Variants in CLN6 observed in about 807,000 individuals in gnomAD.
CLN6 encodes the protein ceroid-lipofuscinosis neuronal protein 6.
A neutral mutation model predicts 33.3 loss-of-function variants in CLN6; 22 were observed. The observed-to-expected ratio is 0.66, with a 90% CI of 0.47 to 0.94. The LOEUF is 0.94. Among genes scored for constraint, CLN6 ranks in the 40% least tolerant of loss-of-function variants. The pLI, the probability that CLN6 is intolerant of heterozygous loss-of-function variation, is 0.00. For synonymous variants in CLN6, 201 were observed against 174.6 expected (o/e 1.15, Z -1.19); for missense variants, 387 against 417.1 (o/e 0.93, Z 0.63).
At position 68,256,962 on chromosome 15, in the gene CLN6, A is replaced by C; in HGVS notation, c.-94T>G. 1 of 587,758 alleles carries C rather than the reference A, an allele frequency of 1.7e-6. No homozygotes were observed. Among genetic ancestry groups the C allele is most frequent in the Non-Finnish European group, 3.0e-6 (1 of 328,010 alleles). The allele number at this position is 587,758 out of a possible 1,614,324, so 36.4% of individuals were successfully genotyped here. A position where few individuals can be genotyped will look rare whatever the true frequency, so the allele number is the denominator to read the frequency against. ...GGGCAGGGTGTAGTGATGGTCACGC[A>C]TCCCTTCCCTGGGCTTCTCCGGCAC... On this transcript the variant is annotated 5_prime_UTR_variant, in exon 1 of 7. Transcript: ENST00000538696. The surrounding 1 kb of genome is among the most constrained non-coding windows in gnomAD (Gnocchi z 4.1).
chr15:68,254,925 C>G (rs1228854847), intron 1 of CLN6: 2 of 1,079,872 alleles, frequency 1.9e-6, no homozygotes, highest in African/African-American at 3.1e-5. Context: ...TTTTTGATAA[C>G]TGTGTACTTC....
At chr15:68,248,028 C>CAAA (rs34262273) in intron 1 of CLN6, among the ~76,000 whole-genome samples, 5 of 118,170 alleles carry the variant, frequency 4.2e-5, no homozygotes, top group Non-Finnish European at 6.9e-5. Context: ...AACTCAGTCT[C>CAAA]AAAAAAAAAA....
At chr15:68,235,728 C>T (rs1236828554) in intron 1 of CLN6, among the ~76,000 whole-genome samples, 1 of 151,924 alleles carries the variant, frequency 6.6e-6, no homozygotes, top group Non-Finnish European at 1.5e-5. Context: ...TTTGTCAACA[C>T]CCTGGCACCC....
At chr15:68,214,740 C>A (rs3784352) in intron 2 of CLN6, 1 of 343,090 alleles carries the variant, frequency 2.9e-6, no homozygotes, top group African/African-American at 2.1e-5. Context: ...CGTTGTGGCA[C>A]CAACTTGCTG....
At chr15:68,254,582 T>C (rs1221125454) in intron 1 of CLN6, 5 of 566,412 alleles carry the variant, frequency 8.8e-6, no homozygotes, top group Non-Finnish European at 1.3e-5. Flanking sequence ...CCAGGACAGA[T>C]CAAAGCCACG....
rs1424748561 is a variant in CLN6, at chr15:68,247,720, C to A, written c.179+8970G>T. Among the ~76,000 whole-genome samples the A allele has an allele frequency of 6.6e-6, 1 of 152,064 alleles. No individual in the cohort carries two copies. Among genetic ancestry groups the A allele is most frequent in the East Asian group, 1.9e-4 (1 of 5,194 alleles). Reference sequence around the variant, plus strand: ...CACAAAAGACCCAGAATAGTGAAAGCAATCCTAAGCAAAACGAACAAACCT... The same window carrying A: ...CACAAAAGACCCAGAATAGTGAAAGAAATCCTAAGCAAAACGAACAAACCT... On this transcript the variant is annotated intron_variant, in intron 1 of 6. Coordinates refer to the CLN6 transcript ENST00000538696. This position sits in a 1 kb window ranked among gnomAD's most constrained non-coding sequence, Gnocchi z 4.2.
intron 1 of CLN6, among the ~76,000 whole-genome samples, chr15:68,237,013 C>T (rs1255905889): frequency 3.3e-5 from 5 of 150,874 alleles, no homozygotes; most frequent in African/African-American, 7.3e-5. Flanking sequence ...AAAAATTAGC[C>T]GGGCGCGGTG....
At position 68,236,742 on chromosome 15, in the gene CLN6, A is replaced by T. The variant is rs1892222152; in HGVS notation, c.180-18092T>A. 6.6e-6 allele frequency among the ~76,000 whole-genome samples: 1 copy of T among 152,260 alleles called. No homozygotes were observed. Among genetic ancestry groups the T allele is most frequent in the African/African-American group, 2.4e-5 (1 of 41,472 alleles). ...AAAAGGGTGAATTTTATGACAAGTG[A>T]ATTTTATCTCAATAAAGCTATTATT... On this transcript the variant is annotated intron_variant, in intron 1 of 6. Coordinates refer to the CLN6 transcript ENST00000538696. The surrounding 1 kb of genome is among the most constrained non-coding windows in gnomAD (Gnocchi z 4.5).
intron 1 of CLN6, among the ~76,000 whole-genome samples, chr15:68,248,771 C>T (rs1232304055): frequency 6.6e-6 from 1 of 151,856 alleles, no homozygotes; most frequent in Non-Finnish European, 1.5e-5. Context: ...ACCTCAAAGG[C>T]ACAGACAACA....
chr15:68,254,681 AT>A, intron 1 of CLN6: 1 of 734,814 alleles, frequency 1.4e-6, no homozygotes, highest in Non-Finnish European at 2.5e-6. Flanking sequence ...TAAAACCAAG[AT>A]GAAGGACAAA....
rs1187664885 is a variant in CLN6, at chr15:68,209,690, G to A, written c.612C>T (p.Ser204=). Residue 204 remains serine (S), a synonymous_variant, in exon 6 of 7, where the codon AGC becomes AGT. Transcript: ENST00000249806. The surrounding 1 kb of genome is among the most constrained non-coding windows in gnomAD (Gnocchi z 4.9). The part of the protein sequence containing the change: ...SGCFTASKAE[S]LIPGPALLLV... Reference sequence around the variant, plus strand: ...GGAGCAGGGCAGGCCCTGGAATCAAGCTCTCAGCTTTAGAGGCAGTAAAGC... The same window carrying A: ...GGAGCAGGGCAGGCCCTGGAATCAAACTCTCAGCTTTAGAGGCAGTAAAGC... 6.2e-7 allele frequency: 1 copy of A among 1,613,668 alleles called. No homozygotes were observed. The highest frequency in any genetic ancestry group is 2.2e-5 in the East Asian group (1 of 44,894).
chr15:68,209,719 C>G lies in CLN6; in HGVS notation c.583G>C (p.Gly195Arg). Residue 195 changes from glycine to arginine, a missense_variant, in exon 6 of 7, where the codon GGC (glycine) becomes CGC (arginine). By Grantham distance (125) the Gly-to-Arg change is moderately radical. Coordinates refer to ENST00000249806, the MANE Select transcript of CLN6 (RefSeq NM_017882.3). The surrounding 1 kb of genome is among the most constrained non-coding windows in gnomAD (Gnocchi z 4.9). ...TCAGCTTTAGAGGCAGTAAAGCAGC[C>G]GCTGAAGTACATGAAGAGGATGAGG... ...FFLILFMYFS[G>R]CFTASKAESL... The G allele has an allele frequency of 2.5e-6, 4 of 1,613,748 alleles. No individual in the cohort carries two copies. The highest frequency in any genetic ancestry group is 3.4e-6 in the Non-Finnish European group (4 of 1,179,952).
intron 1 of CLN6, among the ~76,000 whole-genome samples, chr15:68,235,581 A>AAAATAAATAAATAAATAAAT (rs1285823608): frequency 2.3e-4 from 16 of 70,820 alleles, no homozygotes; most frequent in African/African-American, 7.1e-4. Flanking sequence ...AAAAAAAATA[A>AAAATAAATAAATAAATAAAT]AAATAAATAT....
upstream of CLN6, among the ~76,000 whole-genome samples, chr15:68,230,492 A>G (rs1230566009): frequency 6.6e-6 from 1 of 152,150 alleles, no homozygotes; most frequent in African/African-American, 2.4e-5. This position sits in a 1 kb window ranked among gnomAD's most constrained non-coding sequence, Gnocchi z 4.0. Flanking sequence ...CAGCATCCTC[A>G]AGTGAAAAAC....
chr15:68,213,827 C>T (rs550338902), intron 3 of CLN6: 1 of 185,046 alleles, frequency 5.4e-6, no homozygotes, highest in Admixed American at 5.4e-5. Flanking sequence ...CTAGTGCTCC[C>T]AGTGACATCT....
rs1018178732 is a variant in CLN6, at chr15:68,241,040, T to C, written c.179+15650A>G. 5.5e-5 allele frequency among the ~76,000 whole-genome samples: 8 copies of C among 144,768 alleles called. No individual in the cohort carries two copies. The highest frequency in any genetic ancestry group is 2.1e-4 in the African/African-American group (8 of 39,018). The allele number at this position is 144,768 out of a possible 152,430, so 95.0% of individuals were successfully genotyped here. ...TAGCATTCACAAATAAGCAAGAATA[T>C]GAATGAAGAACAGAAGAAAGCTGCA... On this transcript the variant is annotated intron_variant, in intron 1 of 6. Coordinates refer to the CLN6 transcript ENST00000538696. This position sits in a 1 kb window ranked among gnomAD's most constrained non-coding sequence, Gnocchi z 4.2.
Position 68,211,351 on chromosome 15 carries a change from G to T in CLN6, c.487-33C>A. 2.5e-6 allele frequency: 4 copies of T among 1,612,104 alleles called. No individual in the cohort carries two copies. The highest frequency in any genetic ancestry group is 2.5e-6 in the Non-Finnish European group (3 of 1,178,500). ...AGGAACGGGCAGGGCAGAGTCGGGGGATGTCGATGTCAGTCCAGGGAGGTG... is the reference window on the plus strand; with the variant it reads ...AGGAACGGGCAGGGCAGAGTCGGGGTATGTCGATGTCAGTCCAGGGAGGTG... On this transcript the variant is annotated intron_variant, in intron 4 of 6. Coordinates refer to ENST00000249806, the MANE Select transcript of CLN6 (RefSeq NM_017882.3). This position sits in a 1 kb window ranked among gnomAD's most constrained non-coding sequence, Gnocchi z 5.9.
In CLN6 at chr15:68,256,890, G is replaced by C; in HGVS notation, c.-22C>G. On this transcript the variant is annotated 5_prime_UTR_variant, in exon 1 of 7. Transcript: ENST00000538696. This position sits in a 1 kb window ranked among gnomAD's most constrained non-coding sequence, Gnocchi z 4.1. ...CCATTTTCCGCCCAGGCAAGGTCCT[G>C]GGCGCGGCTCTGGGGAGGGTCAGGG... is the stretch of plus-strand genomic sequence containing the variant. The C allele has an allele frequency of 1.5e-6, 1 of 662,930 alleles. No individual in the cohort carries two copies. The highest frequency in any genetic ancestry group is 2.7e-6 in the Non-Finnish European group (1 of 365,340). 41.1% of individuals were successfully genotyped at this position (662,930 alleles called of 1,614,324 possible).
intron 1 of CLN6, among the ~76,000 whole-genome samples, chr15:68,235,950 GA>G (rs1892216711): frequency 6.6e-6 from 1 of 152,170 alleles, no homozygotes; most frequent in Admixed American, 6.5e-5. Context: ...CACCATGAAT[GA>G]GAACAGATGA....
Sources: gnomAD v4.1 joint callset for allele counts (sites outside exome capture counted in the v4.1 genomes callset) on GRCh38, gnomAD v4.1.1 for gene constraint, Gnocchi (gnomAD v3.1) non-coding constraint, MANE v1.5 for transcripts, NCBI Gene and HGNC (gene_info 2026-07-23, HGNC 2026-07-21) for gene names.